SMARCC1: variants seen among roughly 807,000 people sequenced by gnomAD.
SMARCC1 encodes the protein SWI/SNF complex subunit SMARCC1.
A neutral mutation model predicts 147.4 loss-of-function variants in SMARCC1; 43 were observed. The ratio of observed to expected loss-of-function variants is 0.29; its 90% CI spans 0.23 to 0.38. SMARCC1 has a LOEUF of 0.38. Ranked by LOEUF, SMARCC1 falls within the 10% of genes least tolerant of loss-of-function variation. SMARCC1 has a pLI of 1.00. For missense variants in SMARCC1, 1,119 were observed against 1,381.1 expected, an observed-to-expected ratio of 0.81 and a Z score of 3.01; for synonymous variants, 495 against 484.4, an observed-to-expected ratio of 1.02 and a Z score of -0.29.
In SMARCC1 at chr3:47,706,499, T is replaced by C. The variant is rs553985548; in HGVS notation, c.950A>G (p.Lys317Arg). The C allele has an allele frequency of 5.0e-6, 8 of 1,585,668 alleles. No homozygotes were observed. The highest frequency in any genetic ancestry group is 3.7e-5 in the Admixed American group (2 of 54,112). Reference protein sequence around the residue: ...PVRSPERRDRKASANARKRKH... With the variant: ...PVRSPERRDRRASANARKRKH... Reference sequence around the variant, plus strand: ...CCTCTTTCGAGCATTAGCTGATGCTTTTCTATCTCTTCTTTCTGGACTTCT... The same window carrying C: ...CCTCTTTCGAGCATTAGCTGATGCTCTTCTATCTCTTCTTTCTGGACTTCT... Residue 317 changes from lysine to arginine, a missense_variant, in exon 10 of 28, where the codon AAA (lysine) becomes AGA (arginine). By Grantham distance (26) the Lys-to-Arg change is conservative. Coordinates refer to ENST00000254480, the MANE Select transcript of SMARCC1 (RefSeq NM_003074.4).
chr3:47,649,363 T>C lies in SMARCC1; in HGVS notation c.2321-10583A>G, dbSNP rs371679146. On this transcript the variant is annotated intron_variant, in intron 21 of 27. Coordinates refer to ENST00000254480, the MANE Select transcript of SMARCC1 (RefSeq NM_003074.4). ...AATTCTAACAGTCATTTCTGGGCTG[T>C]ATGTTCTTAGAAAGTTACTTCTTCG... Among the ~76,000 whole-genome samples, 72 of 152,356 alleles carry C rather than the reference T, an allele frequency of 4.7e-4. No individual in the cohort carries two copies. The East Asian group carries it at 0.012, about 26-fold the overall frequency.
intron 5 of SMARCC1, among the ~76,000 whole-genome samples, chr3:47,729,342 A>C (rs1337489946): frequency 6.6e-6 from 1 of 152,142 alleles, no homozygotes; most frequent in Non-Finnish European, 1.5e-5. Context: ...TTCTCTACAG[A>C]TCTCTCTCTC....
intron 15 of SMARCC1, among the ~76,000 whole-genome samples, chr3:47,679,143 G>A (rs1268198654): frequency 2.1e-5 from 3 of 144,456 alleles, no homozygotes; most frequent in African/African-American, 5.1e-5. Flanking sequence ...GGCACACAAA[G>A]AAAACAAAAT....
chr3:47,590,755 G>A lies in SMARCC1; in HGVS notation c.3126C>T (p.His1042=). 1.2e-6 allele frequency: 2 copies of A among 1,604,416 alleles called. No individual in the cohort carries two copies. The highest frequency in any genetic ancestry group is 1.7e-6 in the Non-Finnish European group (2 of 1,176,232). Residue 1042 remains histidine, a synonymous_variant, in exon 27 of 28, where the codon CAC becomes CAT. Coordinates refer to ENST00000254480, the MANE Select transcript of SMARCC1 (RefSeq NM_003074.4). ...GAGGGGTAGGGCCACTCCCAGAGGGGTGGATGTTGGCTGCAACAGTGGGAA... is the reference window on the plus strand; with the variant it reads ...GAGGGGTAGGGCCACTCCCAGAGGGATGGATGTTGGCTGCAACAGTGGGAA... The part of the protein sequence containing the change: ...RMIPTVAANI[H]PSGSGPTPPG...
intron 15 of SMARCC1, among the ~76,000 whole-genome samples, chr3:47,679,374 T>C (rs1035049111): frequency 1.3e-5 from 2 of 152,180 alleles, no homozygotes; most frequent in African/African-American, 2.4e-5. Context: ...CCAAACTTCT[T>C]CCTTCCAATA....
At chr3:47,645,706 T>C (rs1029422606) in intron 21 of SMARCC1, among the ~76,000 whole-genome samples, 2 of 152,250 alleles carry the variant, frequency 1.3e-5, no homozygotes, top group African/African-American at 2.4e-5. Flanking sequence ...AAACGCAATA[T>C]GATTTTTTGT....
intron 24 of SMARCC1, among the ~76,000 whole-genome samples, chr3:47,627,625 C>A (rs934183543): frequency 2.6e-5 from 4 of 152,056 alleles, no homozygotes; most frequent in Non-Finnish European, 5.9e-5. Flanking sequence ...GCTCGAGGTG[C>A]GGCTATAAAG....
At chr3:47,621,099 G>A (rs1318311911) in intron 25 of SMARCC1, among the ~76,000 whole-genome samples, 3 of 151,876 alleles carry the variant, frequency 2.0e-5, no homozygotes, top group African/African-American at 7.3e-5. Flanking sequence ...CAAGAGATAG[G>A]GACCATCCTG....
At chr3:47,748,628 A>C (rs1318504069) in intron 2 of SMARCC1, among the ~76,000 whole-genome samples, 2 of 152,220 alleles carry the variant, frequency 1.3e-5, no homozygotes, top group African/African-American at 4.8e-5. Context: ...CAGATTAAAA[A>C]TATAGCTCAA....
intron 21 of SMARCC1, among the ~76,000 whole-genome samples, chr3:47,647,775 C>T (rs2033137186): frequency 6.6e-6 from 1 of 152,214 alleles, no homozygotes; most frequent in Non-Finnish European, 1.5e-5. Flanking sequence ...CAGCAATACA[C>T]AGTCCAAGCT....
intron 25 of SMARCC1, among the ~76,000 whole-genome samples, chr3:47,614,316 G>A (rs1400224342): frequency 6.6e-6 from 1 of 152,098 alleles, no homozygotes; most frequent in Non-Finnish European, 1.5e-5. Flanking sequence ...TGCTTCTTGA[G>A]GCCACAAGTC....
At position 47,636,067 on chromosome 3, in the gene SMARCC1, T is replaced by C; in HGVS notation, c.2446A>G (p.Ser816Gly). ...ACTTCACTATCCTGTTCCTTTTCAC[T>C]ATTTTTTTCATTTTCTCCATCTTGT... ...KAQDGENEKN[S>G]EKEQDSEVSE... Residue 816 changes from serine (S) to glycine (G), a missense_variant, in exon 23 of 28, where the codon AGT (serine) becomes GGT (glycine). Physicochemically the swap from Ser to Gly is moderately conservative, Grantham distance 56. Transcript: ENST00000254480. The C allele has an allele frequency of 6.2e-7, 1 of 1,607,950 alleles. No homozygotes were observed. The highest frequency in any genetic ancestry group is 8.5e-7 in the Non-Finnish European group (1 of 1,174,982).
intron 1 of SMARCC1, among the ~76,000 whole-genome samples, chr3:47,777,102 G>A (rs1178291187): frequency 6.9e-6 from 1 of 144,116 alleles, no homozygotes; most frequent in African/African-American, 2.6e-5. Flanking sequence ...TTTTTTTTTT[G>A]AGAGAGTCTT....
intron 26 of SMARCC1, among the ~76,000 whole-genome samples, chr3:47,597,636 A>C (rs1651354848): frequency 6.6e-6 from 1 of 151,906 alleles, no homozygotes; most frequent in Admixed American, 6.6e-5. Context: ...CACGCCAGCT[A>C]ATTTTTTATA....
chr3:47,753,176 T>A (rs1291600030), intron 2 of SMARCC1, among the ~76,000 whole-genome samples: 1 of 151,346 alleles, frequency 6.6e-6, no homozygotes, highest in Non-Finnish European at 1.5e-5. Context: ...AAACCCCATC[T>A]TAGTCGGACG....
chr3:47,769,215 A>C (rs1483252259), intron 2 of SMARCC1, among the ~76,000 whole-genome samples: 22 of 145,622 alleles, frequency 1.5e-4, no homozygotes, highest in East Asian at 2.0e-4. Context: ...CGTCTCAAAA[A>C]AAAAAAAAAA....
At chr3:47,755,169 C>G (rs1000943292) in intron 2 of SMARCC1, among the ~76,000 whole-genome samples, 1 of 152,088 alleles carries the variant, frequency 6.6e-6, no homozygotes, top group African/African-American at 2.4e-5. Context: ...CAAGATCGCA[C>G]CACTGCACTT....
At chr3:47,724,513 A>G (rs1296305558) in intron 6 of SMARCC1, among the ~76,000 whole-genome samples, 1 of 152,226 alleles carries the variant, frequency 6.6e-6, no homozygotes, top group African/African-American at 2.4e-5. Flanking sequence ...GCAGCCAAGG[A>G]TGGCTTTGAA....
chr3:47,680,790 G>A (rs1327135203), intron 14 of SMARCC1, among the ~76,000 whole-genome samples: 2 of 151,664 alleles, frequency 1.3e-5, no homozygotes, highest in African/African-American at 4.8e-5. Context: ...CTCGTGATCC[G>A]CCCGCCTCGG....
Sources: gnomAD v4.1 joint callset for allele counts (sites outside exome capture counted in the v4.1 genomes callset) on GRCh38, gnomAD v4.1.1 for gene constraint, MANE v1.5 for transcripts, NCBI Gene and HGNC (gene_info 2026-07-23, HGNC 2026-07-21) for gene names.